Variants in SLC4A1AP observed in about 807,000 individuals in gnomAD.
SLC4A1AP encodes kanadaptin.
In SLC4A1AP, 64 loss-of-function variants were observed where a neutral mutation model predicts 89.7. That is an observed-to-expected ratio of 0.71 (90% confidence interval 0.58 to 0.88). The LOEUF is 0.88. Among genes scored for constraint, SLC4A1AP ranks in the 40% least tolerant of loss-of-function variants. The pLI is 0.00. For missense variants in SLC4A1AP, 931 were observed against 965.0 expected (o/e 0.96, Z 0.47); for synonymous variants, 366 against 353.3 (o/e 1.04, Z -0.40).
chr2:27,663,929 C>T, exon 1 of SLC4A1AP: 1 of 1,614,208 alleles, frequency 6.2e-7, no homozygotes, highest in Non-Finnish European at 8.5e-7. Context: ...CTGACATTCT[C>T]TCTCAGTCAG....
intron 2 of SLC4A1AP, 48 bp downstream of exon 2, chr2:27,665,343 C>A (rs748924534): frequency 2.0e-6 from 3 of 1,465,584 alleles, no homozygotes; most frequent in Non-Finnish European, 2.8e-6. Flanking sequence ...AAGTTCATTA[C>A]AAGTGGTACC....
intron 2 of SLC4A1AP, among the ~76,000 whole-genome samples, chr2:27,666,229 CATT>C (rs1239232465): frequency 6.6e-6 from 1 of 151,928 alleles, no homozygotes; most frequent in African/African-American, 2.4e-5. Flanking sequence ...ATACAGCTGT[CATT>C]ATATTTCTGT....
chr2:27,678,235 A>G (rs998435699), intron 8 of SLC4A1AP, among the ~76,000 whole-genome samples: 7 of 152,198 alleles, frequency 4.6e-5, no homozygotes, highest in East Asian at 1.9e-4. Context: ...ACAAAAAGCT[A>G]ATTTATCTAA....
At chr2:27,667,509 T>C in intron 3 of SLC4A1AP, 119 bp downstream of exon 3, 1 of 1,020,380 alleles carries the variant, frequency 9.8e-7, no homozygotes, top group Non-Finnish European at 1.3e-6. Flanking sequence ...TCCTTCTTGT[T>C]CACTTTTTAC....
intron 12 of SLC4A1AP, chr2:27,693,405 T>C: frequency 2.6e-6 from 1 of 382,168 alleles, no homozygotes; most frequent in East Asian, 4.4e-5. Context: ...CAAGAGGTTC[T>C]ATTCTGGTGC....
chr2:27,665,293 T>G, exon 2 of SLC4A1AP: 1 of 1,590,918 alleles, frequency 6.3e-7, no homozygotes, highest in Non-Finnish European at 8.5e-7. Flanking sequence ...ACCTGGGGAA[T>G]GGGTAAGAAA....
intron 2 of SLC4A1AP, 85 bp from the exon 3 acceptor site, chr2:27,667,183 A>C (rs528001737): frequency 7.0e-7 from 1 of 1,435,866 alleles, no homozygotes; most frequent in Admixed American, 2.1e-5. Context: ...CTATATCTTT[A>C]TGCAGCCTGA....
rs545413235 is a variant in SLC4A1AP at position 27,685,603 on chromosome 2, A to G, written c.2116+326A>G. On this transcript the variant is annotated intron_variant, in intron 10 of 13. Transcript: ENST00000613058. Reference sequence around the variant, plus strand: ...GTTGGAGGGCAGTGGAACAGGGTACATGATGGGGCCTGATCAGGTGGTCTC... The same window carrying G: ...GTTGGAGGGCAGTGGAACAGGGTACGTGATGGGGCCTGATCAGGTGGTCTC... Among the ~76,000 whole-genome samples, 4 of 152,322 alleles carry G rather than the reference A, an allele frequency of 2.6e-5. No individual in the cohort carries two copies. In the South Asian group the frequency reaches 8.3e-4, roughly 32 times the overall value.
chr2:27,667,490 T>G (rs1481217193), intron 3 of SLC4A1AP, 100 bp downstream of exon 3: 8 of 1,136,368 alleles, frequency 7.0e-6, no homozygotes, highest in Admixed American at 2.8e-5. Flanking sequence ...TGCTATAATT[T>G]TATTGCTGTC....
At chr2:27,663,943 C>G in exon 1 of SLC4A1AP, 1 of 1,614,192 alleles carries the variant, frequency 6.2e-7, no homozygotes, top group Non-Finnish European at 8.5e-7. Flanking sequence ...CAGTCAGAGA[C>G]CCTGGCGTCG....
At chr2:27,677,427 G>A (rs946892897) in intron 7 of SLC4A1AP, 63 bp downstream of exon 7, 1 of 1,098,014 alleles carries the variant, frequency 9.1e-7, no homozygotes, top group Non-Finnish European at 1.4e-6. Context: ...AGGCACTGGG[G>A]CTACATTAGT....
intron 10 of SLC4A1AP, among the ~76,000 whole-genome samples, chr2:27,687,636 A>G (rs1205202021): frequency 6.6e-6 from 1 of 152,268 alleles, no homozygotes; most frequent in Non-Finnish European, 1.5e-5. Context: ...TTTTAAAAAA[A>G]TATGTTCTGG....
At chr2:27,675,555 A>T (rs756349797) in exon 6 of SLC4A1AP, 1 of 1,596,154 alleles carries the variant, frequency 6.3e-7, no homozygotes, top group Non-Finnish European at 8.5e-7. Context: ...GAAAGCCAAG[A>T]ACTGGGAAGA....
chr2:27,687,939 A>G, exon 11 of SLC4A1AP: 1 of 1,612,154 alleles, frequency 6.2e-7, no homozygotes, highest in Non-Finnish European at 8.5e-7. Context: ...TATAGAAAAC[A>G]TGTCTCAACT....
chr2:27,673,991 TGTG>T (rs1214382958), intron 5 of SLC4A1AP, among the ~76,000 whole-genome samples: 1 of 2,796 alleles, frequency 3.6e-4, no homozygotes, highest in Non-Finnish European at 8.1e-4. Context: ...ATATACAAGT[TGTG>T]TGTGTGTGTG....
rs546365697 is a variant in SLC4A1AP at position 27,693,539 on chromosome 2, G to A, written c.2272-146G>A. On this transcript the variant is annotated intron_variant, in intron 12 of 13. Coordinates refer to ENST00000613058, the Ensembl canonical transcript of SLC4A1AP. ...AAGACTTTATTTCTCTTTCATTCAT[G>A]AAACTTAGTTTTGTTGGATACAAAA... The A allele has an allele frequency of 1.2e-3, 697 of 601,856 alleles. 1 individual carries two copies. The highest frequency in any genetic ancestry group is 1.7e-3 in the Non-Finnish European group (592 of 343,552). 37.3% of individuals were successfully genotyped at this position (601,856 alleles called of 1,614,324 possible).
chr2:27,692,946 T>G (rs1675811866), intron 12 of SLC4A1AP: 1 of 152,120 alleles, frequency 6.6e-6, no homozygotes, highest in Admixed American at 6.6e-5. Context: ...ATTTATTTAT[T>G]TATTTATTGA....
intron 5 of SLC4A1AP, among the ~76,000 whole-genome samples, chr2:27,670,203 G>T (rs1222640282): frequency 6.6e-6 from 1 of 151,824 alleles, no homozygotes; most frequent in African/African-American, 2.4e-5. Context: ...TCACCGTGTT[G>T]ACCAGGCTGG....
intron 11 of SLC4A1AP, 91 bp downstream of exon 11, chr2:27,688,111 C>T: frequency 1.0e-6 from 1 of 986,810 alleles, no homozygotes; most frequent in Non-Finnish European, 1.6e-6. Flanking sequence ...CTGAAGGCAG[C>T]ACAGAGAATG....
Sources: gnomAD v4.1 joint callset for allele counts (sites outside exome capture counted in the v4.1 genomes callset) on GRCh38, gnomAD v4.1.1 for gene constraint, MANE v1.5 for transcripts, NCBI Gene and HGNC (gene_info 2026-07-23, HGNC 2026-07-21) for gene names.